The following TOX variants were observed in gnomAD, a reference collection of about 807,000 sequenced individuals.
TOX encodes the protein thymocyte selection-associated high mobility group box protein TOX.
Under a neutral mutation model 53.7 loss-of-function variants are expected in TOX, and 11 were observed. The ratio of observed to expected loss-of-function variants is 0.20; its 90% CI spans 0.13 to 0.34. The LOEUF (loss-of-function observed/expected upper bound fraction) is 0.34. Ranked by LOEUF, TOX falls within the 10% of genes least tolerant of loss-of-function variation. TOX has a pLI of 1.00. For synonymous variants in TOX, 225 were observed against 245.3 expected (o/e 0.92, Z 0.77); for missense variants, 570 against 664.6 (o/e 0.86, Z 1.56).
intron 1 of TOX, among the ~76,000 whole-genome samples, chr8:59,085,830 A>G (rs1194353249): frequency 6.6e-6 from 1 of 152,180 alleles, no homozygotes; most frequent in African/African-American, 2.4e-5. Context: ...GAAAGGAGGT[A>G]GGAGAGACTT....
chr8:58,997,535 C>G (rs1813583478), intron 1 of TOX, among the ~76,000 whole-genome samples: 1 of 152,184 alleles, frequency 6.6e-6, no homozygotes, highest in Non-Finnish European at 1.5e-5. Flanking sequence ...ATCAGCCTGC[C>G]AAGTGCGCCT....
chr8:59,020,538 C>A (rs1041685636), intron 1 of TOX, among the ~76,000 whole-genome samples: 2 of 152,156 alleles, frequency 1.3e-5, no homozygotes, highest in African/African-American at 2.4e-5. Flanking sequence ...AGATATAGCT[C>A]CTGTCAAAGT....
chr8:58,858,648 C>T (rs548128928), intron 3 of TOX, among the ~76,000 whole-genome samples: 4 of 152,354 alleles, frequency 2.6e-5, no homozygotes, highest in Non-Finnish European at 5.9e-5. Flanking sequence ...TCCATTTACC[C>T]CTGTCTGTCA....
At chr8:58,998,315 C>A (rs961322043) in intron 1 of TOX, among the ~76,000 whole-genome samples, 1 of 150,328 alleles carries the variant, frequency 6.7e-6, no homozygotes, top group Non-Finnish European at 1.5e-5. Flanking sequence ...ATGGTGAAAC[C>A]CCACCTCTAC....
intron 1 of TOX, among the ~76,000 whole-genome samples, chr8:58,973,216 A>C (rs1813031960): frequency 6.6e-6 from 1 of 152,224 alleles, no homozygotes; most frequent in South Asian, 2.1e-4. Context: ...ACGACAGGAA[A>C]TATGCCACGT....
chr8:59,117,346 A>G lies in TOX; in HGVS notation c.102+1540T>C, dbSNP rs1805119281. 6.6e-6 allele frequency among the ~76,000 whole-genome samples: 1 copy of G among 152,258 alleles called. No individual in the cohort carries two copies. The highest frequency in any genetic ancestry group is 1.5e-5 in the Non-Finnish European group (1 of 68,042). ...TCACACAAACTCCTATGCGCTTGCC[A>G]AAGTTCCCCGTACCTTTCAACTTGC... On this transcript the variant is annotated intron_variant, in intron 1 of 8. Coordinates refer to ENST00000361421, the MANE Select transcript of TOX (RefSeq NM_014729.3). The surrounding 1 kb of genome is among the most constrained non-coding windows in gnomAD (Gnocchi z 4.6).
intron 1 of TOX, among the ~76,000 whole-genome samples, chr8:58,978,784 G>A (rs150516330): frequency 7.7e-4 from 117 of 152,248 alleles, no homozygotes; most frequent in Middle Eastern, 6.8e-3. Context: ...TTCCCTGTTG[G>A]TATTGTTCAT....
At chr8:58,920,719 A>AC (rs1554529860) in intron 3 of TOX, among the ~76,000 whole-genome samples, 2 of 28,646 alleles carry the variant, frequency 7.0e-5, no homozygotes, top group Non-Finnish European at 9.7e-5. Context: ...AAAAAAAAAC[A>AC]TTAAAAAAAA....
intron 1 of TOX, among the ~76,000 whole-genome samples, chr8:59,111,940 A>G (rs1805023171): frequency 6.6e-6 from 1 of 152,326 alleles, no homozygotes; most frequent in Middle Eastern, 3.4e-3. Context: ...AAAAAGCATT[A>G]ATAGTGACCC....
chr8:58,993,806 A>G (rs1813501503), intron 1 of TOX, among the ~76,000 whole-genome samples: 1 of 152,104 alleles, frequency 6.6e-6, no homozygotes. Flanking sequence ...TTCTCAGTTT[A>G]CTGTAGAGGT....
intron 3 of TOX, among the ~76,000 whole-genome samples, chr8:58,925,375 GC>G (rs1024312631): frequency 2.6e-5 from 4 of 152,152 alleles, no homozygotes; most frequent in Non-Finnish European, 5.9e-5. Flanking sequence ...TTCTCCAGTT[GC>G]CCAAGATGCC....
In TOX at chr8:59,027,034, T is replaced by C. The variant is rs576772865; in HGVS notation, c.103-67026A>G. On this transcript the variant is annotated intron_variant, in intron 1 of 8. Coordinates refer to ENST00000361421, the MANE Select transcript of TOX (RefSeq NM_014729.3). ...GCTTTCGTGATTACCAAAATTCCAT[T>C]GGCTAGTTCCCTGTTTGCACCTTTG... is the stretch of plus-strand genomic sequence containing the variant. Among the ~76,000 whole-genome samples the C allele has an allele frequency of 1.2e-4, 18 of 152,244 alleles. No homozygotes were observed. In the South Asian group the frequency reaches 3.3e-3, roughly 28 times the overall value.
intron 1 of TOX, among the ~76,000 whole-genome samples, chr8:59,054,310 C>G (rs1803845425): frequency 6.6e-6 from 1 of 152,196 alleles, no homozygotes; most frequent in African/African-American, 2.4e-5. Context: ...TGCGTACTCT[C>G]TCCTTCCTTT....
intron 2 of TOX, among the ~76,000 whole-genome samples, chr8:58,950,855 C>G (rs1812610258): frequency 6.6e-6 from 1 of 152,054 alleles, no homozygotes; most frequent in South Asian, 2.1e-4. Context: ...ATGGCAAAAG[C>G]TGGCTGACAA....
intron 3 of TOX, among the ~76,000 whole-genome samples, chr8:58,913,969 T>C (rs1412151115): frequency 6.6e-6 from 1 of 152,210 alleles, no homozygotes; most frequent in Admixed American, 6.5e-5. Context: ...GCGCTGAAAG[T>C]GTGCTCAATG....
intron 4 of TOX, among the ~76,000 whole-genome samples, chr8:58,845,991 G>A (rs1481441879): frequency 6.6e-6 from 1 of 152,056 alleles, no homozygotes; most frequent in Admixed American, 6.6e-5. Flanking sequence ...AGCTGTTGAG[G>A]TGGGGACCCG....
At chr8:58,887,278 A>G (rs1269710140) in intron 3 of TOX, among the ~76,000 whole-genome samples, 2 of 151,804 alleles carry the variant, frequency 1.3e-5, no homozygotes, top group Admixed American at 1.3e-4. Flanking sequence ...TTTTGTGTGT[A>G]ATTCCTGTCA....
intron 6 of TOX, among the ~76,000 whole-genome samples, chr8:58,816,026 G>C (rs976974619): frequency 3.3e-5 from 5 of 152,184 alleles, no homozygotes; most frequent in South Asian, 2.1e-4. Flanking sequence ...TTTGTGGAGG[G>C]TGGGGGACGG....
At chr8:59,086,236 C>T (rs528136326) in intron 1 of TOX, among the ~76,000 whole-genome samples, 20 of 152,142 alleles carry the variant, frequency 1.3e-4, no homozygotes, top group Admixed American at 1.0e-3. Context: ...CCACCTACCT[C>T]GGCCTCCCAA....
Sources: allele counts gnomAD v4.1 joint callset (sites outside exome capture counted in the v4.1 genomes callset), GRCh38; gene constraint gnomAD v4.1.1; non-coding constraint Gnocchi (gnomAD v3.1); transcripts MANE v1.5; gene names NCBI Gene and HGNC (gene_info 2026-07-23, HGNC 2026-07-21).